Variants in FAM81A observed in about 807,000 individuals in gnomAD.
The protein encoded by FAM81A is family with sequence similarity 81 member A, also known as protein FAM81A.
FAM81A carries 19 observed loss-of-function variants against 46.7 expected under a neutral mutation model. The observed-to-expected ratio is 0.41, with a 90% CI of 0.28 to 0.60. The LOEUF is 0.60. Ranked by LOEUF, FAM81A falls within the 20% of genes least tolerant of loss-of-function variation. The pLI is 0.34. For missense variants in FAM81A, 377 were observed against 453.5 expected (o/e 0.83, Z 1.53); for synonymous variants, 183 against 152.9 (o/e 1.20, Z -1.45).
At chr15:59,471,844 C>T (rs750853813) in intron 3 of FAM81A, among the ~76,000 whole-genome samples, 9 of 152,042 alleles carry the variant, frequency 5.9e-5, no homozygotes, top group Admixed American at 2.0e-4. Flanking sequence ...TTACTAAGGA[C>T]AAGGATTCAC....
chr15:59,490,324 C>A (rs1051360479), intron 3 of FAM81A, among the ~76,000 whole-genome samples: 2 of 151,938 alleles, frequency 1.3e-5, no homozygotes, highest in Non-Finnish European at 2.9e-5. Flanking sequence ...GGAGGGAGAA[C>A]GTAGTTGCAA....
intron 1 of FAM81A, among the ~76,000 whole-genome samples, chr15:59,443,032 A>G (rs559178004): frequency 6.6e-6 from 1 of 152,348 alleles, no homozygotes; most frequent in Admixed American, 6.5e-5. Context: ...TGTATCATCT[A>G]TTGACCTAAT....
At chr15:59,465,834 A>C (rs1210436417) in intron 3 of FAM81A, among the ~76,000 whole-genome samples, 1 of 152,022 alleles carries the variant, frequency 6.6e-6, no homozygotes, top group East Asian at 1.9e-4. Context: ...TCCTAATGCT[A>C]TCCCGCCCCC....
intron 3 of FAM81A, among the ~76,000 whole-genome samples, chr15:59,471,783 G>C (rs963184319): frequency 6.6e-6 from 1 of 151,940 alleles, no homozygotes; most frequent in Admixed American, 6.6e-5. Flanking sequence ...CTTGGCTCTG[G>C]CCTACATACA....
chr15:59,467,146 T>G (rs540779296), intron 3 of FAM81A, among the ~76,000 whole-genome samples: 40 of 152,282 alleles, frequency 2.6e-4, no homozygotes, highest in African/African-American at 9.4e-4. Flanking sequence ...AGCATGATGC[T>G]TCCAGCTTTG....
At chr15:59,455,002 C>G (rs533709390) in intron 1 of FAM81A, among the ~76,000 whole-genome samples, 223 of 150,924 alleles carry the variant, frequency 1.5e-3, no homozygotes, top group Admixed American at 2.8e-3. Context: ...TCCCAAACTC[C>G]TGGGCTCACC....
intron 6 of FAM81A, among the ~76,000 whole-genome samples, chr15:59,509,861 A>T (rs1382134526): frequency 1.3e-5 from 2 of 152,134 alleles, no homozygotes; most frequent in Admixed American, 1.3e-4. Context: ...GCAGTGGGGC[A>T]TGAGGCTGCA....
intron 1 of FAM81A, chr15:59,402,052 G>A (rs1033183161): frequency 5.5e-6 from 3 of 544,594 alleles, no homozygotes; most frequent in South Asian, 4.3e-5. Context: ...TGCGAAAAAC[G>A]CTCTCAATTT....
At chr15:59,413,875 G>A (rs1288313521) in intron 2 of FAM81A, among the ~76,000 whole-genome samples, 1 of 152,220 alleles carries the variant, frequency 6.6e-6, no homozygotes, top group Non-Finnish European at 1.5e-5. Flanking sequence ...TCATCCTTGA[G>A]AAGGGAGAGA....
At chr15:59,487,375 A>G (rs1386447290) in intron 3 of FAM81A, among the ~76,000 whole-genome samples, 1 of 126,508 alleles carries the variant, frequency 7.9e-6, no homozygotes, top group Non-Finnish European at 1.7e-5. Flanking sequence ...AAGCAAGAGC[A>G]AACCAAACCC....
At chr15:59,444,774 A>T (rs531832353) in intron 1 of FAM81A, among the ~76,000 whole-genome samples, 2 of 151,678 alleles carry the variant, frequency 1.3e-5, no homozygotes, top group Non-Finnish European at 2.9e-5. Context: ...TTATTTTTTG[A>T]CTTATTGGAT....
At position 59,460,077 on chromosome 15, in the gene FAM81A, A is replaced by G; in HGVS notation, c.165A>G (p.Lys55=). The part of the protein sequence containing the change: ...AALVEHAFRI[K]DDIVNSLQKM... The stretch of plus-strand genomic sequence containing the variant: ...TCGTAGAGCACGCCTTTCGGATTAA[A>G]GATGACATTGTCAACAGTTTGCAGA... Residue 55 remains lysine (K), a synonymous_variant, in exon 3 of 9, where the codon AAA becomes AAG. Transcript: ENST00000288228. This position sits in a 1 kb window ranked among gnomAD's most constrained non-coding sequence, Gnocchi z 4.4. 1.9e-6 allele frequency: 3 copies of G among 1,614,026 alleles called. No homozygotes were observed. Among genetic ancestry groups the G allele is most frequent in the Non-Finnish European group, 2.5e-6 (3 of 1,179,898 alleles).
intron 2 of FAM81A, among the ~76,000 whole-genome samples, chr15:59,433,039 G>C (rs2081227521): frequency 6.6e-6 from 1 of 150,806 alleles, no homozygotes; most frequent in Non-Finnish European, 1.5e-5. Context: ...CTACTCGGGA[G>C]GCTGAGGCAG....
intron 2 of FAM81A, among the ~76,000 whole-genome samples, chr15:59,412,880 G>A (rs1330764911): frequency 6.6e-6 from 1 of 152,136 alleles, no homozygotes; most frequent in Non-Finnish European, 1.5e-5. Context: ...ATTAAAATTA[G>A]CCTTGAACTG....
At chr15:59,474,527 G>C (rs1459889135) in intron 3 of FAM81A, among the ~76,000 whole-genome samples, 2 of 152,178 alleles carry the variant, frequency 1.3e-5, no homozygotes, top group Admixed American at 6.5e-5. Context: ...AGTCCATTCA[G>C]GGTGGAGCCC....
intron 1 of FAM81A, among the ~76,000 whole-genome samples, chr15:59,399,686 A>T (rs1482852261): frequency 6.6e-6 from 1 of 152,182 alleles, no homozygotes; most frequent in African/African-American, 2.4e-5. Flanking sequence ...GGCTGATTGA[A>T]GATAGGAGGC....
At chr15:59,477,983 TG>T (rs1340608670) in intron 3 of FAM81A, among the ~76,000 whole-genome samples, 1 of 152,212 alleles carries the variant, frequency 6.6e-6, no homozygotes, top group African/African-American at 2.4e-5. Context: ...TAGTCAACTA[TG>T]AATTATACAT....
At chr15:59,503,946 A>T (rs1567073558) in intron 4 of FAM81A, among the ~76,000 whole-genome samples, 1 of 152,204 alleles carries the variant, frequency 6.6e-6, no homozygotes, top group Non-Finnish European at 1.5e-5. Context: ...CATTGAAGCC[A>T]AGTGATAGCT....
upstream of FAM81A, among the ~76,000 whole-genome samples, chr15:59,435,489 G>A (rs542737701): frequency 9.9e-5 from 15 of 151,932 alleles, no homozygotes; most frequent in East Asian, 5.8e-4. Context: ...GCATGGTGGC[G>A]TACGTCTGTA....
Sources: gnomAD v4.1 joint callset for allele counts (sites outside exome capture counted in the v4.1 genomes callset) on GRCh38, gnomAD v4.1.1 for gene constraint, Gnocchi (gnomAD v3.1) non-coding constraint, MANE v1.5 for transcripts, NCBI Gene and HGNC (gene_info 2026-07-23, HGNC 2026-07-21) for gene names.